Variants in SLC35B1 observed in about 807,000 individuals in gnomAD.
The protein encoded by SLC35B1 is solute carrier family 35 member B1, also known as ATP/ADP exchanger ER.
SLC35B1 carries 27 observed loss-of-function variants against 36.6 expected under a neutral mutation model. The observed-to-expected ratio is 0.74, with a 90% CI of 0.54 to 1.02. The LOEUF (loss-of-function observed/expected upper bound fraction) is 1.02, where lower values mean the gene tolerates loss of function less well. SLC35B1 is among the 50% of genes least tolerant of loss of function. SLC35B1 has a pLI of 0.00. For missense variants in SLC35B1, 321 were observed against 383.2 expected (o/e 0.84, Z 1.35); for synonymous variants, 162 against 152.5 (o/e 1.06, Z -0.46).
Position 49,707,457 on chromosome 17 carries a change from T to C in SLC35B1, c.104+273A>G, listed in dbSNP as rs530342407. On this transcript the variant is annotated intron_variant, in intron 1 of 8. Coordinates refer to ENST00000240333, the MANE Select transcript of SLC35B1 (RefSeq NM_005827.4). ...GCCGACTCGGGTCCTGTTTGAGGAA[T>C]AGAAGTCTCAGCCTGTAAAACGCAG... The C allele has an allele frequency of 8.8e-6, 13 of 1,470,700 alleles. No homozygotes were observed. The East Asian group carries it at 1.4e-4, about 16-fold the overall frequency. 91.1% of individuals were successfully genotyped at this position (1,470,700 alleles called of 1,614,324 possible).
At chr17:49,707,345 C>CA in intron 1 of SLC35B1, 1 of 1,433,084 alleles carries the variant, frequency 7.0e-7, no homozygotes, top group Non-Finnish European at 9.2e-7. Flanking sequence ...TCAGGTACCC[C>CA]AGGCAGGAGG....
At position 49,702,973 on chromosome 17, in the gene SLC35B1, C is replaced by T. The variant is rs1046389389; in HGVS notation, c.801G>A (p.Leu267=). 4 of 1,613,894 alleles carry T rather than the reference C, an allele frequency of 2.5e-6. No homozygotes were observed. The highest frequency in any genetic ancestry group is 3.4e-6 in the Non-Finnish European group (4 of 1,180,008). ...IFMTVVYFGP[L]TCSIITTTRK... is the part of the protein sequence containing the mutation. ...GAGTTGTAGTGATGATGGAGCAGGT[C>T]AGGGGACCAAAATACACAACCGTCA... Residue 267 remains leucine, a synonymous_variant, in exon 8 of 9, where the codon CTG becomes CTA. Transcript: ENST00000240333.
chr17:49,702,402 T>C (rs1375845687), intron 8 of SLC35B1: 1 of 156,050 alleles, frequency 6.4e-6, no homozygotes, highest in East Asian at 1.9e-4. Context: ...ATTACAGGCG[T>C]GAGCCACCAC....
At position 49,707,874 on chromosome 17, in the gene SLC35B1, G is replaced by C. The variant is rs545741629; in HGVS notation, c.-41C>G. 6.2e-7 allele frequency: 1 copy of C among 1,608,134 alleles called. No homozygotes were observed. The highest frequency in any genetic ancestry group is 8.5e-7 in the Non-Finnish European group (1 of 1,178,072). The stretch of plus-strand genomic sequence containing the variant: ...GCCGACTGGAGACCCGCTCACAACC[G>C]GCACCGGCAGCAGCGGCGGCGGAGG... On this transcript the variant is annotated 5_prime_UTR_variant, in exon 1 of 9. Coordinates refer to ENST00000240333, the MANE Select transcript of SLC35B1 (RefSeq NM_005827.4).
chr17:49,702,029 G>A (rs531534081), intron 8 of SLC35B1: 5 of 247,722 alleles, frequency 2.0e-5, no homozygotes, highest in South Asian at 1.8e-4. Flanking sequence ...GGAGATCAAG[G>A]TTGCAGTGGA....
Position 49,707,515 on chromosome 17 carries a change from G to A in SLC35B1, c.104+215C>T, listed in dbSNP as rs868776675. On this transcript the variant is annotated intron_variant, in intron 1 of 8. Transcript: ENST00000240333. ...GAACCAAGCGGGGAAAAACAGCTAAGAAAAGAAAATAACCAAGTCCGAAGA... is the reference window on the plus strand; with the variant it reads ...GAACCAAGCGGGGAAAAACAGCTAAAAAAAGAAAATAACCAAGTCCGAAGA... The A allele has an allele frequency of 2.1e-4, 311 of 1,489,552 alleles. No homozygotes were observed. The Middle Eastern group carries it at 6.3e-3, about 30-fold the overall frequency. The allele number at this position is 1,489,552 out of a possible 1,614,324, so 92.3% of individuals were successfully genotyped here. A position where few individuals can be genotyped will look rare whatever the true frequency, so the allele number is the denominator to read the frequency against.
At position 49,707,705 on chromosome 17, in the gene SLC35B1, T is replaced by C. The variant is rs199834515; in HGVS notation, c.104+25A>G. On this transcript the variant is annotated intron_variant, in intron 1 of 8. Coordinates refer to ENST00000240333, the MANE Select transcript of SLC35B1 (RefSeq NM_005827.4). ...CCTGTCACAGGCTGGGGAGAGACTG[T>C]CGGCCCGCCCCCGGGGTCGCTCACA... 2.0e-4 allele frequency: 322 copies of C among 1,606,104 alleles called. No individual in the cohort carries two copies. The African/African-American group carries it at 3.9e-3, about 20-fold the overall frequency.
chr17:49,703,745 A>C, intron 6 of SLC35B1: 1 of 328,072 alleles, frequency 3.0e-6, no homozygotes, highest in Non-Finnish European at 5.9e-6. Context: ...AAAGCAAATC[A>C]TTCACATTTG....
intron 5 of SLC35B1, among the ~76,000 whole-genome samples, chr17:49,704,644 G>C (rs74841308): frequency 6.6e-6 from 1 of 152,142 alleles, no homozygotes; most frequent in Non-Finnish European, 1.5e-5. Context: ...ATGGGCAAGC[G>C]AGTTAACTTC....
intron 2 of SLC35B1, 43 bp from the exon 3 acceptor site, chr17:49,706,377 A>T: frequency 1.4e-5 from 12 of 838,160 alleles, no homozygotes; most frequent in East Asian, 4.4e-5. Flanking sequence ...AAAAGAAAAG[A>T]AAAAAAAAAA....
rs752985911 is a variant in SLC35B1 at position 49,707,747 on chromosome 17, C to A, written c.87G>T (p.Gly29=). 1 of 1,611,894 alleles carries A rather than the reference C, an allele frequency of 6.2e-7. No homozygotes were observed. The highest frequency in any genetic ancestry group is 8.5e-7 in the Non-Finnish European group (1 of 1,179,852). Residue 29 remains glycine, a synonymous_variant, in exon 1 of 9, where the codon GGG becomes GGT. Coordinates refer to ENST00000240333, the MANE Select transcript of SLC35B1 (RefSeq NM_005827.4). ...LGVFVCYFYY[G]ILQEKITRGK... The stretch of plus-strand genomic sequence containing the variant: ...TCGCTCACATCTTTTCCTGCAGGAT[C>A]CCATAGTAAAAATAGCAGACAAAGA...
Position 49,706,294 on chromosome 17 carries a change from C to G in SLC35B1, c.249G>C (p.Arg83=). ...TAGAACAGGCAGCATAGAGCCAGCT[C>G]CGGGTACGATCCACCCTGGCAGTGT... ...FFDTARVDRT[R]SWLYAACSIS... The change falls in exon 3 of 9, where the codon CGG becomes CGC. Residue 83 remains arginine (R), a synonymous_variant. Coordinates refer to ENST00000240333, the MANE Select transcript of SLC35B1 (RefSeq NM_005827.4). 2 of 1,596,698 alleles carry G rather than the reference C, an allele frequency of 1.3e-6. No individual in the cohort carries two copies. The highest frequency in any genetic ancestry group is 1.7e-6 in the Non-Finnish European group (2 of 1,174,862).
rs756718931 is a variant in SLC35B1, at chr17:49,702,867, C to G, written c.907G>C (p.Val303Leu). 1 of 1,613,978 alleles carries G rather than the reference C, an allele frequency of 6.2e-7. No homozygotes were observed. Residue 303 changes from valine (V) to leucine (L), a missense_variant, in exon 8 of 9, where the codon GTG (valine) becomes CTG (leucine). Coordinates refer to ENST00000240333, the MANE Select transcript of SLC35B1 (RefSeq NM_005827.4). Reference sequence around the variant, plus strand: ...CTGTGTGGCCACTTACCCAGGAACACAAGCACAGTGCCCACCCACTGCATG... The same window carrying G: ...CTGTGTGGCCACTTACCCAGGAACAGAAGCACAGTGCCCACCCACTGCATG... ...SPMQWVGTVLVFLGLGLDAKF... is the reference protein window; with the variant it reads ...SPMQWVGTVLLFLGLGLDAKF...
rs1194104456 is a variant in SLC35B1, at chr17:49,707,856, G to A, written c.-23C>T. ...CATGAGACGCCCAGAGGAGCCGACT[G>A]GAGACCCGCTCACAACCGGCACCGG... On this transcript the variant is annotated 5_prime_UTR_variant, in exon 1 of 9. Coordinates refer to ENST00000240333, the MANE Select transcript of SLC35B1 (RefSeq NM_005827.4). The A allele has an allele frequency of 6.2e-7, 1 of 1,610,782 alleles. No individual in the cohort carries two copies. The highest frequency in any genetic ancestry group is 8.5e-7 in the Non-Finnish European group (1 of 1,179,384).
At chr17:49,706,376 G>GAAA (rs376610823) in intron 2 of SLC35B1, 42 bp from the exon 3 acceptor site, 106 of 520,988 alleles carry the variant, frequency 2.0e-4, no homozygotes, top group Middle Eastern at 7.4e-4. Context: ...GAAAAGAAAA[G>GAAA]AAAAAAAAAA....
intron 6 of SLC35B1, 160 bp from the exon 7 acceptor site, chr17:49,703,454 G>A (rs1223523321): frequency 1.9e-5 from 11 of 592,076 alleles, no homozygotes; most frequent in East Asian, 5.9e-5. Context: ...GGTTTGCATC[G>A]TCTCATCATT....
chr17:49,705,788 G>T, intron 4 of SLC35B1, 78 bp downstream of exon 4: 1 of 1,403,080 alleles, frequency 7.1e-7, no homozygotes, highest in Non-Finnish European at 1.0e-6. Flanking sequence ...GAAGCCGAGA[G>T]GGACACAGTT....
At chr17:49,707,661 A>G in intron 1 of SLC35B1, 69 bp downstream of exon 1, 1 of 1,544,292 alleles carries the variant, frequency 6.5e-7, no homozygotes, top group Non-Finnish European at 8.8e-7. Flanking sequence ...CCGGGTCCAG[A>G]GGCAGAAGGC....
At chr17:49,706,622 A>G (rs906472403) in intron 2 of SLC35B1, among the ~76,000 whole-genome samples, 1 of 152,216 alleles carries the variant, frequency 6.6e-6, no homozygotes, top group Non-Finnish European at 1.5e-5. Context: ...GCTAGTCCCC[A>G]GGGAACAAAG....
Sources: gnomAD v4.1 joint callset for allele counts (sites outside exome capture counted in the v4.1 genomes callset) on GRCh38, gnomAD v4.1.1 for gene constraint, MANE v1.5 for transcripts, NCBI Gene and HGNC (gene_info 2026-07-23, HGNC 2026-07-21) for gene names.